The following ULK4 variants were observed in gnomAD, a reference collection of about 807,000 sequenced individuals.
ULK4 encodes the protein unc-51 like kinase 4.
A neutral mutation model predicts 160.6 loss-of-function variants in ULK4; 133 were observed. The ratio of observed to expected loss-of-function variants is 0.83; its 90% CI spans 0.72 to 0.96. The LOEUF is 0.96. ULK4 is among the 40% of genes least tolerant of loss of function. The probability of loss-of-function intolerance (pLI) is 0.00; values close to 1 mark genes in which losing one functional copy is unlikely to be tolerated. For missense variants in ULK4, 1,580 were observed against 1,499.5 expected, an observed-to-expected ratio of 1.05 and a Z score of -0.89; for synonymous variants, 534 against 539.8, an observed-to-expected ratio of 0.99 and a Z score of 0.15.
intron 22 of ULK4, among the ~76,000 whole-genome samples, chr3:41,726,983 T>C (rs1176303923): frequency 6.6e-6 from 1 of 152,092 alleles, no homozygotes; most frequent in African/African-American, 2.4e-5. Flanking sequence ...CCCCAGGACA[T>C]ACCCATTTCC....
At chr3:41,480,407 A>T (rs1431476271) in intron 32 of ULK4, among the ~76,000 whole-genome samples, 1 of 152,070 alleles carries the variant, frequency 6.6e-6, no homozygotes, top group Non-Finnish European at 1.5e-5. Context: ...TGACCCCTGA[A>T]CAACATGGGT....
At chr3:41,797,722 G>A (rs2040344405) in intron 20 of ULK4, among the ~76,000 whole-genome samples, 1 of 152,070 alleles carries the variant, frequency 6.6e-6, no homozygotes, top group Non-Finnish European at 1.5e-5. Context: ...TCAGCTGGGT[G>A]TGGCAGCAGA....
At chr3:41,481,011 A>T (rs2084305981) in intron 32 of ULK4, among the ~76,000 whole-genome samples, 1 of 152,218 alleles carries the variant, frequency 6.6e-6, no homozygotes, top group African/African-American at 2.4e-5. Flanking sequence ...AGATGTGGAT[A>T]GGGACACAGC....
chr3:41,290,739 C>G (rs2079543496), intron 35 of ULK4, among the ~76,000 whole-genome samples: 1 of 152,246 alleles, frequency 6.6e-6, no homozygotes, highest in Non-Finnish European at 1.5e-5. Flanking sequence ...TGGGAAAGGA[C>G]TGTGGTACAC....
At chr3:41,614,806 G>C (rs1389652457) in intron 31 of ULK4, among the ~76,000 whole-genome samples, 1 of 152,200 alleles carries the variant, frequency 6.6e-6, no homozygotes, top group African/African-American at 2.4e-5. Flanking sequence ...GATGATTAAG[G>C]AAAGTTGATT....
chr3:41,765,491 G>C lies in ULK4; in HGVS notation c.2194-11003C>G, dbSNP rs181658377. Among the ~76,000 whole-genome samples, 621 of 152,140 alleles carry C rather than the reference G, an allele frequency of 4.1e-3. 5 individuals carry two copies. The highest frequency in any genetic ancestry group is 0.014 in the African/African-American group (566 of 41,476). ...TTAATGGGTGCAGCACACCAACATAGCACATGTATACATATGTAACAAACC... is the reference window on the plus strand; with the variant it reads ...TTAATGGGTGCAGCACACCAACATACCACATGTATACATATGTAACAAACC... On this transcript the variant is annotated intron_variant, in intron 21 of 36. Transcript: ENST00000301831.
intron 27 of ULK4, among the ~76,000 whole-genome samples, chr3:41,695,183 C>T (rs997398875): frequency 2.0e-5 from 3 of 152,204 alleles, no homozygotes; most frequent in Non-Finnish European, 2.9e-5. Flanking sequence ...CCCTCATGAT[C>T]TAATCATCTC....
At chr3:41,761,502 G>C (rs1241049585) in intron 21 of ULK4, among the ~76,000 whole-genome samples, 1 of 151,278 alleles carries the variant, frequency 6.6e-6, no homozygotes, top group African/African-American at 2.4e-5. Flanking sequence ...CCTTTCTAAT[G>C]TGAAAACTAT....
chr3:41,919,028 C>T (rs1426309523), intron 6 of ULK4, among the ~76,000 whole-genome samples: 1 of 152,130 alleles, frequency 6.6e-6, no homozygotes, highest in East Asian at 1.9e-4. Context: ...ATTTCTCTTA[C>T]TTCAAAATGT....
chr3:41,729,181 C>G (rs993272038), intron 22 of ULK4, among the ~76,000 whole-genome samples: 1 of 152,198 alleles, frequency 6.6e-6, no homozygotes, highest in African/African-American at 2.4e-5. Flanking sequence ...AAATACTCTG[C>G]TCTCTGCCAC....
chr3:41,626,447 C>T (rs565747144), intron 30 of ULK4, among the ~76,000 whole-genome samples: 14 of 151,024 alleles, frequency 9.3e-5, no homozygotes, highest in African/African-American at 3.2e-4. Flanking sequence ...GATTTTGTCA[C>T]GAAATGTGCT....
Position 41,397,841 on chromosome 3 carries a change from G to C in ULK4, c.3678+238C>G, listed in dbSNP as rs867028689. On this transcript the variant is annotated intron_variant, in intron 35 of 36. Coordinates refer to ENST00000301831, the MANE Select transcript of ULK4 (RefSeq NM_017886.4). ...CAAACTTAGATGTTAAGGAGTGTGA[G>C]GCACAATGTCTCTAACTTACTCCCA... Among the ~76,000 whole-genome samples the C allele has an allele frequency of 5.3e-5, 8 of 152,054 alleles. No homozygotes were observed. The South Asian group carries it at 1.2e-3, about 24-fold the overall frequency.
At chr3:41,304,205 G>A (rs143453889) in intron 35 of ULK4, among the ~76,000 whole-genome samples, 3,085 of 149,060 alleles carry the variant, frequency 0.021, 71 homozygotes, top group African/African-American at 0.066. Context: ...CCCAGGAGAC[G>A]GAGGTTGCAG....
intron 32 of ULK4, among the ~76,000 whole-genome samples, chr3:41,530,313 C>A (rs1184054339): frequency 6.6e-6 from 1 of 152,108 alleles, no homozygotes; most frequent in Non-Finnish European, 1.5e-5. Context: ...AGAACACATT[C>A]AAAAAGATAG....
chr3:41,653,664 G>C (rs1156705346), intron 30 of ULK4, among the ~76,000 whole-genome samples: 1 of 152,168 alleles, frequency 6.6e-6, no homozygotes, highest in African/African-American at 2.4e-5. Context: ...CCAGAAGTAA[G>C]TATTTTAGGC....
chr3:41,634,557 G>T lies in ULK4; in HGVS notation c.3072-18840C>A, dbSNP rs2033876225. 2.6e-5 allele frequency among the ~76,000 whole-genome samples: 4 copies of T among 152,132 alleles called. No individual in the cohort carries two copies. The South Asian group carries it at 8.3e-4, about 32-fold the overall frequency. Reference sequence around the variant, plus strand: ...AGAATATGTAAGAGAATAGCGTGTGGGTCACTTCAAGTTAACAGGCAAATG... The same window carrying T: ...AGAATATGTAAGAGAATAGCGTGTGTGTCACTTCAAGTTAACAGGCAAATG... On this transcript the variant is annotated intron_variant, in intron 30 of 36. Transcript: ENST00000301831.
chr3:41,877,412 C>T (rs1043456497), intron 17 of ULK4, among the ~76,000 whole-genome samples: 6 of 151,986 alleles, frequency 3.9e-5, no homozygotes, highest in African/African-American at 4.8e-5. Context: ...CAGCAGCCTC[C>T]GCCTCCTGGG....
intron 25 of ULK4, among the ~76,000 whole-genome samples, chr3:41,711,923 T>C (rs1202973357): frequency 6.6e-6 from 1 of 152,312 alleles, no homozygotes; most frequent in South Asian, 2.1e-4. Context: ...TGCTGAAACC[T>C]GGAGAGGGAG....
rs1417372839 is a variant in ULK4 at position 41,938,825 on chromosome 3, C to G, written c.139-628G>C. 2.0e-5 allele frequency among the ~76,000 whole-genome samples: 3 copies of G among 152,172 alleles called. No homozygotes were observed. The East Asian group carries it at 5.8e-4, about 29-fold the overall frequency. Reference sequence around the variant, plus strand: ...ATAGCTACCGTTATTGGTGAAACTGCTGGCGTTTTTTAATTCTACTTTTCT... The same window carrying G: ...ATAGCTACCGTTATTGGTGAAACTGGTGGCGTTTTTTAATTCTACTTTTCT... On this transcript the variant is annotated intron_variant, in intron 2 of 36. Coordinates refer to ENST00000301831, the MANE Select transcript of ULK4 (RefSeq NM_017886.4).
Sources: allele counts gnomAD v4.1 joint callset (sites outside exome capture counted in the v4.1 genomes callset), GRCh38; gene constraint gnomAD v4.1.1; transcripts MANE v1.5; gene names NCBI Gene and HGNC (gene_info 2026-07-23, HGNC 2026-07-21).